The following HIVEP3 variants were observed in gnomAD, a reference collection of about 807,000 sequenced individuals.
The protein encoded by HIVEP3 is HIVEP zinc finger 3, also known as transcription factor HIVEP3.
HIVEP3 carries 49 observed loss-of-function variants against 152.8 expected under a neutral mutation model. The observed-to-expected ratio is 0.32, with a 90% CI of 0.26 to 0.41. HIVEP3 has a LOEUF of 0.41. Ranked by LOEUF, HIVEP3 falls within the 10% of genes least tolerant of loss-of-function variation. The pLI is 1.00. For synonymous variants in HIVEP3, 1,269 were observed against 1,289.0 expected (o/e 0.98, Z 0.33); for missense variants, 2,790 against 3,103.3 (o/e 0.90, Z 2.40).
chr1:41,532,049 G>GGGA (rs1643274921), intron 5 of HIVEP3, among the ~76,000 whole-genome samples: 1 of 139,766 alleles, frequency 7.2e-6, no homozygotes, highest in Admixed American at 6.9e-5. Flanking sequence ...GAGGACAGGA[G>GGGA]AGATGGAGGA....
chr1:41,534,558 G>A (rs1419789007), intron 5 of HIVEP3, among the ~76,000 whole-genome samples: 1 of 152,202 alleles, frequency 6.6e-6, no homozygotes, highest in Non-Finnish European at 1.5e-5. Flanking sequence ...GTCAGACTGT[G>A]TGTACTGCAA....
intron 5 of HIVEP3, among the ~76,000 whole-genome samples, chr1:41,554,173 T>A (rs1643930608): frequency 6.6e-6 from 1 of 152,236 alleles, no homozygotes; most frequent in Non-Finnish European, 1.5e-5. Flanking sequence ...TAGTCCCATA[T>A]TTTTTGGAGG....
At chr1:41,730,810 T>TGG (rs774205033) in intron 1 of HIVEP3, among the ~76,000 whole-genome samples, 5 of 151,948 alleles carry the variant, frequency 3.3e-5, no homozygotes, top group Non-Finnish European at 5.9e-5. Flanking sequence ...ACCCCACAGG[T>TGG]GGGAGGCTGG....
At chr1:41,858,375 C>T (rs1039065419) in intron 1 of HIVEP3, among the ~76,000 whole-genome samples, 3 of 152,198 alleles carry the variant, frequency 2.0e-5, no homozygotes, top group Non-Finnish European at 4.4e-5. Flanking sequence ...TATTCATGCC[C>T]TGTCATTCAC....
chr1:41,749,540 A>C lies in HIVEP3; in HGVS notation c.-800-48545T>G, dbSNP rs1647126153. Among the ~76,000 whole-genome samples the C allele has an allele frequency of 2.0e-5, 3 of 152,124 alleles. No homozygotes were observed. In the South Asian group the frequency reaches 6.2e-4, roughly 32 times the overall value. ...TTTCACTGAGGCTCCTTCATTCCTAAGAAAATTTAGAAATGCTATGACAAA... is the reference window on the plus strand; with the variant it reads ...TTTCACTGAGGCTCCTTCATTCCTACGAAAATTTAGAAATGCTATGACAAA... On this transcript the variant is annotated intron_variant, in intron 1 of 8. Coordinates refer to ENST00000372583, the MANE Select transcript of HIVEP3 (RefSeq NM_024503.5).
At chr1:41,866,069 T>A (rs1643966159) in intron 1 of HIVEP3, among the ~76,000 whole-genome samples, 1 of 152,178 alleles carries the variant, frequency 6.6e-6, no homozygotes, top group Non-Finnish European at 1.5e-5. Context: ...GAGAGACGGA[T>A]AACTATCCAG....
At chr1:41,736,591 A>G (rs1558224625) in intron 1 of HIVEP3, among the ~76,000 whole-genome samples, 1 of 152,128 alleles carries the variant, frequency 6.6e-6, no homozygotes, top group Non-Finnish European at 1.5e-5. Context: ...ACCACATGCC[A>G]CCCTTCCATG....
At chr1:41,672,610 G>A (rs1645894787) in intron 2 of HIVEP3, among the ~76,000 whole-genome samples, 1 of 152,206 alleles carries the variant, frequency 6.6e-6, no homozygotes, top group African/African-American at 2.4e-5. Context: ...TGAAGAAAAG[G>A]GTTTGATGAG....
chr1:41,541,156 C>G (rs1347048070), intron 5 of HIVEP3, among the ~76,000 whole-genome samples: 2 of 152,214 alleles, frequency 1.3e-5, no homozygotes, highest in East Asian at 1.9e-4. Flanking sequence ...CCTGAGCAAG[C>G]ACCCGCCCAT....
At chr1:41,732,905 G>A (rs710239) in intron 1 of HIVEP3, among the ~76,000 whole-genome samples, 47,762 of 151,948 alleles carry the variant, frequency 0.31, 7,971 homozygotes, top group South Asian at 0.47. Context: ...GGAGGCAGGA[G>A]CATCCCCAGC....
chr1:41,738,881 A>C (rs1369331920), intron 1 of HIVEP3, among the ~76,000 whole-genome samples: 1 of 152,214 alleles, frequency 6.6e-6, no homozygotes, highest in Non-Finnish European at 1.5e-5. Flanking sequence ...CTCCCACATC[A>C]GCACTCACAT....
At chr1:41,536,058 G>A (rs1306429210) in intron 5 of HIVEP3, among the ~76,000 whole-genome samples, 1 of 152,124 alleles carries the variant, frequency 6.6e-6, no homozygotes, top group Non-Finnish European at 1.5e-5. Context: ...GACGTGACAC[G>A]TTCCTCTGCT....
At chr1:41,809,300 T>A (rs1328878362) in intron 1 of HIVEP3, among the ~76,000 whole-genome samples, 1 of 152,206 alleles carries the variant, frequency 6.6e-6, no homozygotes, top group Non-Finnish European at 1.5e-5. Flanking sequence ...CTTTTTATAT[T>A]GATAAGAGAG....
intron 7 of HIVEP3, among the ~76,000 whole-genome samples, chr1:41,515,826 G>A (rs1260046167): frequency 1.3e-5 from 2 of 152,134 alleles, no homozygotes; most frequent in Non-Finnish European, 2.9e-5. Flanking sequence ...GTGAGGGTCT[G>A]GCACACAGTA....
intron 1 of HIVEP3, among the ~76,000 whole-genome samples, chr1:41,810,317 C>A (rs1002267804): frequency 1.3e-5 from 2 of 152,284 alleles, no homozygotes; most frequent in African/African-American, 4.8e-5. Flanking sequence ...TGAAGAAGTG[C>A]GATCAACCAC....
At chr1:41,553,764 G>T (rs770389449) in intron 5 of HIVEP3, among the ~76,000 whole-genome samples, 3 of 151,872 alleles carry the variant, frequency 2.0e-5, no homozygotes, top group Non-Finnish European at 4.4e-5. Flanking sequence ...TATGAAGTTT[G>T]GTTTGGATAT....
chr1:41,619,179 C>T (rs1645011364), intron 3 of HIVEP3, among the ~76,000 whole-genome samples: 1 of 152,158 alleles, frequency 6.6e-6, no homozygotes, highest in Non-Finnish European at 1.5e-5. Flanking sequence ...CCTTGCTGTT[C>T]CCAGCAGGCT....
At chr1:41,981,171 A>G (rs987393473) in intron 1 of HIVEP3, among the ~76,000 whole-genome samples, 2 of 152,212 alleles carry the variant, frequency 1.3e-5, no homozygotes, top group Non-Finnish European at 2.9e-5. Context: ...GAGGGTGGAA[A>G]GCAAACAACA....
chr1:41,593,728 C>T (rs921525433), intron 3 of HIVEP3, among the ~76,000 whole-genome samples: 1 of 152,226 alleles, frequency 6.6e-6, no homozygotes, highest in Non-Finnish European at 1.5e-5. Context: ...TATTTGGTTC[C>T]CATTGCTGCT....
Sources: allele counts gnomAD v4.1 joint callset (sites outside exome capture counted in the v4.1 genomes callset), GRCh38; gene constraint gnomAD v4.1.1; transcripts MANE v1.5; gene names NCBI Gene and HGNC (gene_info 2026-07-23, HGNC 2026-07-21).